ZNF469: variants seen among roughly 807,000 people sequenced by gnomAD.
The protein encoded by ZNF469 is zinc finger protein 469.
ZNF469 carries 1 observed loss-of-function variant against 1.0 expected under a neutral mutation model. That is an observed-to-expected ratio of 1.00 (90% CI 0.35 to 4.73). The LOEUF is 4.73. Ranked by LOEUF, ZNF469 falls within the 30% of genes most tolerant of loss-of-function variation. The pLI is 0.16. For missense variants in ZNF469, 6,100 were observed against 5,356.3 expected (o/e 1.14, Z -4.33); for synonymous variants, 2,703 against 2,363.4 (o/e 1.14, Z -4.17).
chr16:88,341,231 G>A, the ZNF469 span, among the ~76,000 whole-genome samples: 1 of 152,194 alleles, frequency 6.6e-6, no homozygotes, highest in Non-Finnish European at 1.5e-5. Flanking sequence ...GGGTGTCCCT[G>A]TTCAATGCCC....
chr16:88,119,047 G>A, the ZNF469 span, among the ~76,000 whole-genome samples: 7 of 152,148 alleles, frequency 4.6e-5, no homozygotes, highest in Non-Finnish European at 8.8e-5. Context: ...GTTTTTGCTC[G>A]TTTCAAAGTC....
In ZNF469 at chr16:88,428,306, C is replaced by T; in HGVS notation, c.836C>T (p.Ala279Val). 1 of 1,550,336 alleles carries T rather than the reference C, an allele frequency of 6.5e-7. No individual in the cohort carries two copies. The highest frequency in any genetic ancestry group is 8.7e-7 in the Non-Finnish European group (1 of 1,146,942). The part of the protein sequence containing the change: ...RGVSFQFPFP[A>V]LHGASTKPFP... ...GTTTCCTTCCAGTTCCCCTTCCCGG[C>T]ACTGCATGGGGCCAGCACAAAACCC... is the stretch of plus-strand genomic sequence containing the variant. Residue 279 changes from alanine (A) to valine (V), a missense_variant, in exon 3 of 3, where the codon GCA (alanine) becomes GTA (valine). Ala to Val is a moderately conservative substitution (Grantham distance 64, BLOSUM62 0). Coordinates refer to ENST00000565624, the MANE Select transcript of ZNF469 (RefSeq NM_001367624.2).
the ZNF469 span, among the ~76,000 whole-genome samples, chr16:88,179,518 G>A: frequency 0.86 from 130,385 of 151,982 alleles, 56,524 homozygotes; most frequent in East Asian, 1. Flanking sequence ...TTCTTTAGAA[G>A]TTGCCCGGCC....
the ZNF469 span, among the ~76,000 whole-genome samples, chr16:88,155,565 C>T: frequency 2.6e-5 from 4 of 152,212 alleles, no homozygotes; most frequent in East Asian, 1.9e-4. Flanking sequence ...TCACACAAGA[C>T]GTGGCCTCTG....
the ZNF469 span, among the ~76,000 whole-genome samples, chr16:88,187,663 G>T: frequency 1.3e-5 from 2 of 150,814 alleles, no homozygotes; most frequent in Non-Finnish European, 2.9e-5. Context: ...AATCCCAAAT[G>T]TGGTTTATAG....
chr16:88,401,909 GGGATGGAT>G (rs1224224047), intron 1 of ZNF469, among the ~76,000 whole-genome samples: 1 of 96,318 alleles, frequency 1.0e-5, no homozygotes, highest in Non-Finnish European at 2.1e-5. Flanking sequence ...GATGGATGGA[GGGATGGAT>G]GGATGGATGG....
chr16:88,238,831 G>A, the ZNF469 span, among the ~76,000 whole-genome samples: 4 of 152,216 alleles, frequency 2.6e-5, no homozygotes, highest in South Asian at 2.1e-4. Flanking sequence ...AAGAGCAGGC[G>A]CCTCTGCTTT....
chr16:88,195,558 A>T, the ZNF469 span, among the ~76,000 whole-genome samples: 2 of 152,142 alleles, frequency 1.3e-5, no homozygotes, highest in African/African-American at 2.4e-5. Flanking sequence ...TGCAGAGTTG[A>T]TTCTGAAAGT....
the ZNF469 span, among the ~76,000 whole-genome samples, chr16:88,145,133 C>T: frequency 2.6e-5 from 4 of 151,844 alleles, no homozygotes; most frequent in South Asian, 2.1e-4. Context: ...CCACTGCACC[C>T]GGCCCATTGT....
At position 88,437,807 on chromosome 16, in the gene ZNF469, A is replaced by C. The variant is rs891535709; in HGVS notation, c.10337A>C (p.Gln3446Pro). The C allele has an allele frequency of 4.5e-6, 7 of 1,544,710 alleles. No individual in the cohort carries two copies. The highest frequency in any genetic ancestry group is 6.1e-6 in the Non-Finnish European group (7 of 1,142,696). ...HMNKHLRGGR[Q>P]PFAFRGVRRP... Reference sequence around the variant, plus strand: ...AACAAGCACCTCAGGGGGGGGCGGCAGCCCTTCGCGTTCCGCGGCGTGCGG... The same window carrying C: ...AACAAGCACCTCAGGGGGGGGCGGCCGCCCTTCGCGTTCCGCGGCGTGCGG... The change falls in exon 3 of 3, where the codon CAG (glutamine) becomes CCG (proline). Residue 3446 changes from glutamine to proline, a missense_variant. Coordinates refer to ENST00000565624, the MANE Select transcript of ZNF469 (RefSeq NM_001367624.2).
chr16:88,334,651 A>T, the ZNF469 span, among the ~76,000 whole-genome samples: 3 of 152,190 alleles, frequency 2.0e-5, no homozygotes, highest in African/African-American at 2.4e-5. Context: ...GCCTTATTTC[A>T]TATAAGGGTG....
chr16:88,195,611 A>G, the ZNF469 span, among the ~76,000 whole-genome samples: 2 of 152,038 alleles, frequency 1.3e-5, no homozygotes, highest in African/African-American at 4.8e-5. Flanking sequence ...ATATCGTCAG[A>G]CTCAGCATGA....
chr16:88,309,125 G>C, the ZNF469 span, among the ~76,000 whole-genome samples: 1 of 152,204 alleles, frequency 6.6e-6, no homozygotes, highest in South Asian at 2.1e-4. Context: ...CCCCTAGTGA[G>C]TCTCTCATAC....
At chr16:88,337,199 C>G in the ZNF469 span, among the ~76,000 whole-genome samples, 2 of 152,148 alleles carry the variant, frequency 1.3e-5, no homozygotes, top group African/African-American at 4.8e-5. Context: ...AATGGTGGCT[C>G]CCACCATTCC....
chr16:88,130,123 C>T, the ZNF469 span, among the ~76,000 whole-genome samples: 7 of 152,188 alleles, frequency 4.6e-5, no homozygotes, highest in East Asian at 3.9e-4. Context: ...CCATTACCAT[C>T]GGGCGCTGTT....
upstream of ZNF469, among the ~76,000 whole-genome samples, chr16:88,380,268 C>A (rs1458450003): frequency 1.5e-5 from 2 of 136,362 alleles, no homozygotes; most frequent in South Asian, 2.5e-4. Flanking sequence ...CACGTGCACT[C>A]ACACACCCAG....
At chr16:88,315,029 G>A in the ZNF469 span, among the ~76,000 whole-genome samples, 1 of 152,216 alleles carries the variant, frequency 6.6e-6, no homozygotes, top group African/African-American at 2.4e-5. Flanking sequence ...TGATGATGCT[G>A]GTGTGGACTA....
intron 1 of ZNF469, among the ~76,000 whole-genome samples, chr16:88,410,386 G>A (rs532882062): frequency 8.1e-4 from 122 of 151,530 alleles, no homozygotes; most frequent in Non-Finnish European, 1.5e-3. Context: ...TTACGGTGAC[G>A]TCTATGATGC....
chr16:88,165,094 A>G, the ZNF469 span, among the ~76,000 whole-genome samples: 125,781 of 152,240 alleles, frequency 0.83, 52,375 homozygotes, highest in African/African-American at 0.86. Context: ...CATCCCCTTC[A>G]TGGCTTTCAG....
Sources: allele counts gnomAD v4.1 joint callset (sites outside exome capture counted in the v4.1 genomes callset), GRCh38; gene constraint gnomAD v4.1.1; transcripts MANE v1.5; gene names NCBI Gene and HGNC (gene_info 2026-07-23, HGNC 2026-07-21).